The following CR1 variants were observed in gnomAD, a reference collection of about 807,000 sequenced individuals.
CR1 encodes the protein complement receptor type 1.
A neutral mutation model predicts 187.3 loss-of-function variants in CR1; 116 were observed. The observed-to-expected ratio is 0.62, with a 90% confidence interval of 0.53 to 0.72. The LOEUF is 0.72. Among genes scored for constraint, CR1 ranks in the 30% least tolerant of loss-of-function variants. The pLI is 0.00. For synonymous variants in CR1, 576 were observed against 747.1 expected, an observed-to-expected ratio of 0.77 and a Z score of 3.73; for missense variants, 1,731 against 2,110.7, an observed-to-expected ratio of 0.82 and a Z score of 3.52.
chr1:207,618,681 T>C (rs1662219386), intron 42 of CR1, among the ~76,000 whole-genome samples: 1 of 152,006 alleles, frequency 6.6e-6, no homozygotes, highest in Admixed American at 6.5e-5. Flanking sequence ...TGAAAAGAAG[T>C]CTGTGCTTGA....
At chr1:207,517,786 G>C (rs1376257512) in intron 4 of CR1, among the ~76,000 whole-genome samples, 1 of 152,084 alleles carries the variant, frequency 6.6e-6, no homozygotes, top group East Asian at 1.9e-4. Flanking sequence ...GCATAATGCT[G>C]TTTATTATAG....
chr1:207,516,893 A>G (rs1186377235), intron 4 of CR1, among the ~76,000 whole-genome samples: 7 of 152,098 alleles, frequency 4.6e-5, no homozygotes, highest in African/African-American at 1.7e-4. Flanking sequence ...TGAATCTGAC[A>G]AAGTTTTTAC....
intron 35 of CR1, among the ~76,000 whole-genome samples, chr1:207,589,218 A>C (rs1406530016): frequency 6.6e-6 from 1 of 152,210 alleles, no homozygotes; most frequent in Non-Finnish European, 1.5e-5. Flanking sequence ...ATCAAAGTGC[A>C]CACAGAGAGG....
intron 43 of CR1, among the ~76,000 whole-genome samples, 152 bp downstream of exon 43, chr1:207,620,217 A>G (rs1307271695): frequency 6.6e-6 from 1 of 152,224 alleles, no homozygotes; most frequent in South Asian, 2.1e-4. Context: ...CAAAACTCCC[A>G]TAGTGAGAGT....
chr1:207,505,436 T>A (rs1659396471), intron 1 of CR1, among the ~76,000 whole-genome samples: 1 of 151,884 alleles, frequency 6.6e-6, no homozygotes, highest in African/African-American at 2.4e-5. Context: ...AGTGCTGAAA[T>A]TACAGGCATG....
chr1:207,579,514 G>A (rs1350667991), intron 29 of CR1, among the ~76,000 whole-genome samples: 1 of 152,208 alleles, frequency 6.6e-6, no homozygotes, highest in East Asian at 1.9e-4. Flanking sequence ...GGCGATGAAA[G>A]CAATTGCTAG....
chr1:207,611,567 T>G, intron 37 of CR1, 110 bp from the exon 38 acceptor site: 1 of 1,476,202 alleles, frequency 6.8e-7, no homozygotes, highest in East Asian at 2.3e-5. Flanking sequence ...TCTTCTCTTT[T>G]AATAGCTGCA....
At chr1:207,629,933 C>A (rs7517706) in intron 45 of CR1, among the ~76,000 whole-genome samples, 13,967 of 152,242 alleles carry the variant, frequency 0.092, 2,137 homozygotes, top group African/African-American at 0.31. Context: ...CCTTACTTAA[C>A]ATAGTGCCTC....
At position 207,573,058 on chromosome 1, in the gene CR1, C is replaced by G. The variant is rs1399036503; in HGVS notation, c.4452-2537C>G. 2.0e-5 allele frequency among the ~76,000 whole-genome samples: 3 copies of G among 152,098 alleles called. No individual in the cohort carries two copies. The East Asian group carries it at 5.8e-4, about 29-fold the overall frequency. On this transcript the variant is annotated intron_variant, in intron 27 of 46. Coordinates refer to ENST00000367049, the MANE Select transcript of CR1 (RefSeq NM_000651.6). ...CCAAATAAGATCACATCCACAGGGA[C>G]TGGAGGTTAAGACTTCAGCATACTT... is the stretch of plus-strand genomic sequence containing the variant.
At chr1:207,615,090 C>T (rs1196499341) in intron 40 of CR1, among the ~76,000 whole-genome samples, 4 of 152,252 alleles carry the variant, frequency 2.6e-5, no homozygotes, top group Admixed American at 6.5e-5. Flanking sequence ...ATTACAAGTG[C>T]GAGCCACCAT....
intron 4 of CR1, among the ~76,000 whole-genome samples, chr1:207,513,115 ACACTTATAC>A (rs1033632351): frequency 2.0e-5 from 3 of 152,242 alleles, no homozygotes; most frequent in Non-Finnish European, 4.4e-5. Flanking sequence ...TAAAACTCTT[ACACTTATAC>A]AAATCAAGTA....
intron 41 of CR1, among the ~76,000 whole-genome samples, chr1:207,617,416 C>A (rs1379561544): frequency 7.0e-6 from 1 of 143,126 alleles, no homozygotes; most frequent in Non-Finnish European, 1.5e-5. Flanking sequence ...GTGCAGCAAA[C>A]CAATATGGCA....
rs201139679 is a variant in CR1 at position 207,578,002 on chromosome 1, G to A, written c.4735G>A (p.Ala1579Thr). The change falls in exon 29 of 47, where the codon GCC (alanine) becomes ACC (threonine). Residue 1579 changes from alanine (A) to threonine (T), a missense_variant. This residue lies in a region of CR1 where 1,312 missense variants were observed against 1,379.6 expected (regional missense o/e 0.95). Coordinates refer to ENST00000367049, the MANE Select transcript of CR1 (RefSeq NM_000651.6). ...TCAAGTGGGCATCTGGAGCGGCCCC[G>A]CCCCTCAGTGCATTATACCTAACAA... Reference protein sequence around the residue: ...DDQVGIWSGPAPQCIIPNKCT... With the variant: ...DDQVGIWSGPTPQCIIPNKCT... 1.9e-5 allele frequency: 30 copies of A among 1,611,758 alleles called. No homozygotes were observed. Among genetic ancestry groups the A allele is most frequent in the Middle Eastern group, 2.3e-4 (1 of 4,432 alleles).
intron 1 of CR1, among the ~76,000 whole-genome samples, chr1:207,500,464 TGTGTTAA>T (rs1298310512): frequency 6.6e-6 from 1 of 152,176 alleles, no homozygotes; most frequent in Non-Finnish European, 1.5e-5. Flanking sequence ...AAAGTGATGA[TGTGTTAA>T]TTGTGCATAT....
chr1:207,514,992 T>TACACACACACAC (rs764790629), intron 4 of CR1, among the ~76,000 whole-genome samples: 2 of 116,200 alleles, frequency 1.7e-5, no homozygotes, highest in African/African-American at 6.4e-5. Context: ...TATATATATA[T>TACACACACACAC]ATACACACAC....
At chr1:207,585,482 T>C (rs1051964997) in intron 33 of CR1, among the ~76,000 whole-genome samples, 2 of 151,802 alleles carry the variant, frequency 1.3e-5, no homozygotes, top group Non-Finnish European at 2.9e-5. Flanking sequence ...AAGAAAAGAG[T>C]AGGAAAAGGA....
chr1:207,565,958 T>C (rs1660482276), intron 24 of CR1, 35 bp downstream of exon 24: 1 of 1,608,936 alleles, frequency 6.2e-7, no homozygotes, highest in Non-Finnish European at 8.5e-7. Flanking sequence ...GGCCAATCTC[T>C]CCCCTTCATC....
chr1:207,586,147 C>CT (rs936992234), intron 33 of CR1, among the ~76,000 whole-genome samples: 4 of 92,952 alleles, frequency 4.3e-5, no homozygotes, highest in Non-Finnish European at 6.8e-5. Flanking sequence ...TGTGTGTGTG[C>CT]TTTTTTTGAG....
intron 34 of CR1, 104 bp from the exon 35 acceptor site, chr1:207,588,571 C>A (rs1046000010): frequency 5.4e-6 from 4 of 735,156 alleles, no homozygotes; most frequent in Non-Finnish European, 9.2e-6. Context: ...TTCCATGAAA[C>A]AATTGGAACT....
Sources: allele counts gnomAD v4.1 joint callset (sites outside exome capture counted in the v4.1 genomes callset), GRCh38; gene constraint gnomAD v4.1.1; regional missense constraint gnomAD v4.1.1; transcripts MANE v1.5; gene names NCBI Gene and HGNC (gene_info 2026-07-23, HGNC 2026-07-21).